The following DYNLT2B variants were observed in gnomAD, a reference collection of about 807,000 sequenced individuals.
DYNLT2B encodes the protein dynein light chain Tctex-type 2B.
A neutral mutation model predicts 19.5 loss-of-function variants in DYNLT2B; 14 were observed. That is an observed-to-expected ratio of 0.72 (90% CI 0.47 to 1.12). The LOEUF (loss-of-function observed/expected upper bound fraction) is 1.12. Among genes scored for constraint, DYNLT2B ranks in the 50% most tolerant of loss-of-function variants. The pLI, the probability that DYNLT2B is intolerant of heterozygous loss-of-function variation, is 0.00. For synonymous variants in DYNLT2B, 70 were observed against 59.7 expected (o/e 1.17, Z -0.79); for missense variants, 133 against 174.7 (o/e 0.76, Z 1.35).
intron 1 of DYNLT2B, 132 bp downstream of exon 1, chr3:196,317,889 GGGCCGCCCGCCCGCCTCGC>G: frequency 2.9e-6 from 1 of 342,276 alleles, no homozygotes; most frequent in East Asian, 4.7e-5. Flanking sequence ...CGTCACAGCA[GGGCCGCCCGCCCGCCTCGC>G]GGCCTCCCGC....
At chr3:196,292,740 A>G (rs1726120933) in intron 4 of DYNLT2B, among the ~76,000 whole-genome samples, 1 of 152,122 alleles carries the variant, frequency 6.6e-6, no homozygotes, top group Admixed American at 6.6e-5. Flanking sequence ...CACCACCCAG[A>G]GTTCTCCAAC....
In DYNLT2B at chr3:196,318,143, A is replaced by T. The variant is rs145146700; in HGVS notation, c.10T>A (p.Ser4Thr). The change falls in exon 1 of 5, where the codon TCC becomes ACC. Residue 4 changes from serine (S) to threonine (T), a missense_variant. Transcript: ENST00000325318. ...CCCACCGAGAAGGACACTCCGATGG[A>T]CGTGGCCATGCCGGGGCTTCTCGGT... is the stretch of plus-strand genomic sequence containing the variant. The part of the protein sequence containing the change: MAT[S>T]IGVSFSVGDG... The T allele has an allele frequency of 4.7e-4, 722 of 1,532,606 alleles. No individual in the cohort carries two copies. The highest frequency in any genetic ancestry group is 6.9e-4 in the Middle Eastern group (4 of 5,836). The allele number at this position is 1,532,606 out of a possible 1,614,324, so 94.9% of individuals were successfully genotyped here.
chr3:196,294,525 A>G (rs956843136), intron 4 of DYNLT2B, among the ~76,000 whole-genome samples: 19 of 152,122 alleles, frequency 1.2e-4, no homozygotes, highest in African/African-American at 4.1e-4. Flanking sequence ...ATCAGAATCT[A>G]TTTGAATAGG....
chr3:196,307,075 A>G (rs1300217398), intron 2 of DYNLT2B, 63 bp from the exon 3 acceptor site: 6 of 1,463,988 alleles, frequency 4.1e-6, no homozygotes, highest in Non-Finnish European at 5.7e-6. Flanking sequence ...ATTGAAGACA[A>G]ATTTGCCCAG....
At chr3:196,310,837 G>T (rs887834099) in intron 2 of DYNLT2B, among the ~76,000 whole-genome samples, 1 of 152,090 alleles carries the variant, frequency 6.6e-6, no homozygotes, top group Admixed American at 6.6e-5. Context: ...CTGGGTTCAA[G>T]TGATTCTCCT....
intron 2 of DYNLT2B, among the ~76,000 whole-genome samples, chr3:196,314,831 CAAAACAAAAA>C (rs1374540520): frequency 1.3e-5 from 2 of 150,652 alleles, no homozygotes; most frequent in Non-Finnish European, 3.0e-5. Flanking sequence ...AAAAACAAAA[CAAAACAAAAA>C]AAAACAAAAC....
At chr3:196,297,975 C>T (rs941412254) in intron 3 of DYNLT2B, 2 of 156,202 alleles carry the variant, frequency 1.3e-5, no homozygotes, top group African/African-American at 2.4e-5. Context: ...ACTGTTCAGA[C>T]AGTGGTGACG....
chr3:196,308,767 A>G (rs1425319684), intron 2 of DYNLT2B, among the ~76,000 whole-genome samples: 1 of 152,246 alleles, frequency 6.6e-6, no homozygotes, highest in African/African-American at 2.4e-5. Flanking sequence ...TATTTTTAAA[A>G]AACACTGCAC....
At position 196,293,015 on chromosome 3, in the gene DYNLT2B, G is replaced by A. The variant is rs186472423; in HGVS notation, c.382-1641C>T. The stretch of plus-strand genomic sequence containing the variant: ...ACTACAGGCGCCCGCCACCTTGCCC[G>A]GCTAGTTTTTGTATTTTTAGTAGAG... On this transcript the variant is annotated intron_variant, in intron 4 of 4. Transcript: ENST00000325318. 6.6e-5 allele frequency among the ~76,000 whole-genome samples: 10 copies of A among 152,188 alleles called. No individual in the cohort carries two copies. In the South Asian group the frequency reaches 8.3e-4, roughly 13 times the overall value.
intron 3 of DYNLT2B, among the ~76,000 whole-genome samples, chr3:196,303,957 A>G (rs1726419190): frequency 6.6e-6 from 1 of 152,160 alleles, no homozygotes; most frequent in Non-Finnish European, 1.5e-5. Context: ...CAAGAGGTCA[A>G]AGCTGCAGTG....
At chr3:196,296,190 A>C in intron 3 of DYNLT2B, 121 bp from the exon 4 acceptor site, 1 of 798,736 alleles carries the variant, frequency 1.3e-6, no homozygotes, top group South Asian at 1.6e-5. Flanking sequence ...CAAACCTTTC[A>C]CAGGTAGGTA....
At chr3:196,308,524 G>GA (rs928370919) in intron 2 of DYNLT2B, among the ~76,000 whole-genome samples, 1 of 152,058 alleles carries the variant, frequency 6.6e-6, no homozygotes, top group African/African-American at 2.4e-5. Flanking sequence ...AGTCTGAAGA[G>GA]AAAAAAATGG....
rs2293160 is a variant in DYNLT2B, at chr3:196,295,879, T to C, written c.381+127A>G. 274,499 of 786,918 alleles carry C rather than the reference T, an allele frequency of 0.35. 54,243 individuals carry two copies. Among genetic ancestry groups the C allele is most frequent in the East Asian group, 0.84 (32,013 of 38,112 alleles). 48.7% of individuals were successfully genotyped at this position (786,918 alleles called of 1,614,324 possible). On this transcript the variant is annotated intron_variant, in intron 4 of 4. Coordinates refer to ENST00000325318, the MANE Select transcript of DYNLT2B (RefSeq NM_152773.5). Reference sequence around the variant, plus strand: ...AACACAAAAACTAACAGTAAAATCATTTCATTCACAAGTCAAAGATGAATG... The same window carrying C: ...AACACAAAAACTAACAGTAAAATCACTTCATTCACAAGTCAAAGATGAATG...
chr3:196,310,796 G>A (rs1726619578), intron 2 of DYNLT2B, among the ~76,000 whole-genome samples: 2 of 151,544 alleles, frequency 1.3e-5, no homozygotes, highest in Non-Finnish European at 2.9e-5. Flanking sequence ...AATGCAGTGG[G>A]GCGATCTCGG....
At chr3:196,295,431 G>C (rs1420712272) in intron 4 of DYNLT2B, among the ~76,000 whole-genome samples, 1 of 152,182 alleles carries the variant, frequency 6.6e-6, no homozygotes, top group African/African-American at 2.4e-5. Flanking sequence ...AAAGTGCTGG[G>C]ATTATAGGCA....
chr3:196,301,079 G>C (rs1391013234), intron 3 of DYNLT2B, among the ~76,000 whole-genome samples: 2 of 151,932 alleles, frequency 1.3e-5, no homozygotes, highest in South Asian at 4.2e-4. Context: ...AAAAAAAAGG[G>C]ATGAATTTAA....
intron 3 of DYNLT2B, among the ~76,000 whole-genome samples, chr3:196,304,555 G>A (rs1255591782): frequency 4.6e-5 from 7 of 152,074 alleles, no homozygotes; most frequent in Admixed American, 1.3e-4. Flanking sequence ...GGCCGAGCAT[G>A]GTGTTGGCAC....
intron 3 of DYNLT2B, among the ~76,000 whole-genome samples, chr3:196,303,391 G>GC (rs1726406592): frequency 6.6e-6 from 1 of 152,194 alleles, no homozygotes; most frequent in Admixed American, 6.5e-5. Flanking sequence ...TAGGCAGCGG[G>GC]CAAGTGAACC....
chr3:196,311,076 G>C (rs897834677), intron 2 of DYNLT2B, among the ~76,000 whole-genome samples: 6 of 151,978 alleles, frequency 3.9e-5, no homozygotes, highest in African/African-American at 1.5e-4. Flanking sequence ...TGAAAAGAAA[G>C]ACCACGGCCC....
Sources: allele counts gnomAD v4.1 joint callset (sites outside exome capture counted in the v4.1 genomes callset), GRCh38; gene constraint gnomAD v4.1.1; transcripts MANE v1.5; gene names NCBI Gene and HGNC (gene_info 2026-07-23, HGNC 2026-07-21).